CHST8: variants seen among roughly 807,000 people sequenced by gnomAD.
CHST8 encodes the protein GALNAC-4-ST1.
Under a neutral mutation model 15.0 loss-of-function variants are expected in CHST8, and 10 were observed. The ratio of observed to expected loss-of-function variants is 0.67; its 90% CI spans 0.41 to 1.13. CHST8 has a LOEUF of 1.13. Ranked by LOEUF, CHST8 falls within the 50% of genes most tolerant of loss-of-function variation. CHST8 has a pLI of 0.00. For missense variants in CHST8, 634 were observed against 608.2 expected (o/e 1.04, Z -0.45); for synonymous variants, 259 against 256.6 (o/e 1.01, Z -0.09).
At chr19:33,706,506 C>T (rs975758278) in intron 3 of CHST8, among the ~76,000 whole-genome samples, 4 of 152,134 alleles carry the variant, frequency 2.6e-5, no homozygotes, top group African/African-American at 9.7e-5. Context: ...TGTGAGCGTA[C>T]CCTGACAATG....
chr19:33,661,492 A>G (rs188193751), intron 1 of CHST8, among the ~76,000 whole-genome samples: 1 of 152,246 alleles, frequency 6.6e-6, no homozygotes, highest in Non-Finnish European at 1.5e-5. Context: ...CTCCGCACTC[A>G]CGGAGCCCCT....
chr19:33,689,193 G>A lies in CHST8; in HGVS notation c.-69G>A, dbSNP rs956313223. On this transcript the variant is annotated 5_prime_UTR_variant, in exon 3 of 5. Coordinates refer to ENST00000650847, the MANE Select transcript of CHST8 (RefSeq NM_001127895.2). Reference sequence around the variant, plus strand: ...CCCCGTAGATCTCGGCCTGATGGACGCCTGGTGTGGACGATGAGGGAAGAA... The same window carrying A: ...CCCCGTAGATCTCGGCCTGATGGACACCTGGTGTGGACGATGAGGGAAGAA... 1.1e-5 allele frequency: 16 copies of A among 1,455,438 alleles called. No individual in the cohort carries two copies. Among genetic ancestry groups the A allele is most frequent in the South Asian group, 3.0e-5 (2 of 67,204 alleles). The allele number at this position is 1,455,438 out of a possible 1,614,324, so 90.2% of individuals were successfully genotyped here.
Position 33,640,138 on chromosome 19 carries a change from A to G in CHST8, c.-164+17842A>G, listed in dbSNP as rs755394318. 7.5e-4 allele frequency among the ~76,000 whole-genome samples: 114 copies of G among 152,202 alleles called. 2 individuals are homozygous for G. The highest frequency in any genetic ancestry group is 7.2e-4 in the Admixed American group (11 of 15,280). On this transcript the variant is annotated intron_variant, in intron 1 of 4. Coordinates refer to ENST00000650847, the MANE Select transcript of CHST8 (RefSeq NM_001127895.2). ...ATTACAGGCGTAAGCCACTGCGCCC[A>G]GCAAAGCAAATCAATTCTTACACCA...
intron 3 of CHST8, among the ~76,000 whole-genome samples, chr19:33,732,562 A>C (rs1369002912): frequency 6.6e-6 from 1 of 151,990 alleles, no homozygotes; most frequent in Non-Finnish European, 1.5e-5. Context: ...TGCAGAACAC[A>C]GGCAAGTACT....
chr19:33,724,466 G>A (rs923810186), intron 3 of CHST8, among the ~76,000 whole-genome samples: 4 of 151,518 alleles, frequency 2.6e-5, no homozygotes, highest in Non-Finnish European at 4.4e-5. Context: ...GTTCTGTAAA[G>A]TGTGGCTGCG....
chr19:33,696,715 G>T (rs1489882278), intron 3 of CHST8, among the ~76,000 whole-genome samples: 2 of 151,908 alleles, frequency 1.3e-5, no homozygotes, highest in Non-Finnish European at 2.9e-5. Flanking sequence ...TGCCAAAAAT[G>T]TTGGGGACCG....
chr19:33,753,101 C>G (rs1974452200), intron 3 of CHST8, among the ~76,000 whole-genome samples: 1 of 152,056 alleles, frequency 6.6e-6, no homozygotes, highest in Non-Finnish European at 1.5e-5. Flanking sequence ...CCACTGTCAC[C>G]TGTGCCACTG....
At chr19:33,625,079 T>G (rs897488272) in intron 1 of CHST8, among the ~76,000 whole-genome samples, 14 of 150,278 alleles carry the variant, frequency 9.3e-5, no homozygotes, top group South Asian at 4.2e-4. Flanking sequence ...ATGGCAGCTT[T>G]CTTTCTTTCT....
chr19:33,773,069 G>A lies in CHST8; in HGVS notation c.*6G>A, dbSNP rs753061089. On this transcript the variant is annotated 3_prime_UTR_variant, in exon 5 of 5. Transcript: ENST00000650847. ...CCTTTGCAGATCTGTACTGAGGGGC[G>A]CCGCAGCTGGCCGGGGCCGCCCTGC... is the stretch of plus-strand genomic sequence containing the variant. 6 of 1,578,968 alleles carry A rather than the reference G, an allele frequency of 3.8e-6. No individual in the cohort carries two copies. The highest frequency in any genetic ancestry group is 4.5e-5 in the East Asian group (2 of 44,478).
chr19:33,640,481 C>T (rs769274574), intron 1 of CHST8, among the ~76,000 whole-genome samples: 2 of 152,200 alleles, frequency 1.3e-5, no homozygotes, highest in Non-Finnish European at 2.9e-5. Context: ...CTCTCACTCA[C>T]CTTTGGCTCT....
chr19:33,678,496 C>T (rs1038739949), intron 2 of CHST8, among the ~76,000 whole-genome samples: 1 of 152,160 alleles, frequency 6.6e-6, no homozygotes, highest in Admixed American at 6.5e-5. Flanking sequence ...AAACCCAGTG[C>T]TTTGGGAGGC....
At chr19:33,733,338 A>G (rs973154085) in intron 3 of CHST8, among the ~76,000 whole-genome samples, 1 of 151,446 alleles carries the variant, frequency 6.6e-6, no homozygotes, top group African/African-American at 2.4e-5. Context: ...GGTTCAAGCA[A>G]TTCTCCTGCC....
chr19:33,717,829 T>G (rs916591138), intron 3 of CHST8, among the ~76,000 whole-genome samples: 18 of 152,218 alleles, frequency 1.2e-4, no homozygotes, highest in African/African-American at 4.3e-4. Context: ...CCTGGAATTT[T>G]TATTCTCCTG....
rs72103213 is a variant in CHST8, at chr19:33,765,053, C to CATATATATATATATATATAT, written c.131-6359_131-6340dup. Among the ~76,000 whole-genome samples, 281 of 87,602 alleles carry CATATATATATATATATATAT rather than the reference C, an allele frequency of 3.2e-3. 19 individuals are homozygous for CATATATATATATATATATAT. The highest frequency in any genetic ancestry group is 0.015 in the African/African-American group (254 of 16,574). 57.5% of individuals were successfully genotyped at this position (87,602 alleles called of 152,430 possible). On this transcript the variant is annotated intron_variant, in intron 3 of 4. Transcript: ENST00000650847. Reference sequence around the variant, plus strand: ...TTTTTATGGCTAAGTACTATTCCATCATATATATATATATATATATCAGAG... The same window carrying CATATATATATATATATATAT: ...TTTTTATGGCTAAGTACTATTCCATCATATATATATATATATATATATATATATATATATATATATCAGAG...
intron 3 of CHST8, among the ~76,000 whole-genome samples, chr19:33,709,427 A>T (rs1299832627): frequency 6.6e-6 from 1 of 152,228 alleles, no homozygotes; most frequent in African/African-American, 2.4e-5. Flanking sequence ...AAATTTAACC[A>T]TGAATAGGTG....
At chr19:33,669,738 G>A (rs959387195) in intron 2 of CHST8, among the ~76,000 whole-genome samples, 1 of 152,174 alleles carries the variant, frequency 6.6e-6, no homozygotes, top group Admixed American at 6.5e-5. Context: ...TATTAACTTA[G>A]TGAGGGTGGC....
intron 2 of CHST8, among the ~76,000 whole-genome samples, chr19:33,686,083 G>T (rs1005899657): frequency 6.6e-6 from 1 of 152,090 alleles, no homozygotes; most frequent in African/African-American, 2.4e-5. Flanking sequence ...GAAAAGCTGG[G>T]GTCTGAGGCT....
At chr19:33,648,527 G>T (rs919230302) in intron 1 of CHST8, among the ~76,000 whole-genome samples, 1 of 152,028 alleles carries the variant, frequency 6.6e-6, no homozygotes, top group Admixed American at 6.5e-5. Flanking sequence ...TGGTTTCAGG[G>T]TTCAGCCATG....
chr19:33,691,752 T>G (rs1355705808), intron 3 of CHST8, among the ~76,000 whole-genome samples: 5 of 152,226 alleles, frequency 3.3e-5, no homozygotes. Context: ...CAATTCTCCC[T>G]GTGAATTTCT....
Sources: gnomAD v4.1 joint callset for allele counts (sites outside exome capture counted in the v4.1 genomes callset) on GRCh38, gnomAD v4.1.1 for gene constraint, MANE v1.5 for transcripts, NCBI Gene and HGNC (gene_info 2026-07-23, HGNC 2026-07-21) for gene names.